The following TTC23 variants were observed in gnomAD, a reference collection of about 807,000 sequenced individuals.
TTC23 encodes tetratricopeptide repeat domain 23.
In TTC23, 58 loss-of-function variants were observed where a neutral mutation model predicts 55.1. The ratio of observed to expected loss-of-function variants is 1.05; its 90% confidence interval spans 0.85 to 1.31. The LOEUF (loss-of-function observed/expected upper bound fraction) is 1.31. Ranked by LOEUF, TTC23 falls within the 50% of genes most tolerant of loss-of-function variation. The probability of loss-of-function intolerance (pLI) is 0.00; values close to 1 mark genes in which losing one functional copy is unlikely to be tolerated. For synonymous variants in TTC23, 203 were observed against 199.9 expected (o/e 1.02, Z -0.13); for missense variants, 516 against 534.4 (o/e 0.97, Z 0.34).
intron 11 of TTC23, chr15:99,160,583 T>C (rs2071223628): frequency 6.6e-6 from 1 of 152,202 alleles, no homozygotes; most frequent in Non-Finnish European, 1.5e-5. Flanking sequence ...TCCTTGGAGT[T>C]TGATATCCTT....
At chr15:99,204,190 G>T (rs72756876) in intron 8 of TTC23, among the ~76,000 whole-genome samples, 14,555 of 152,026 alleles carry the variant, frequency 0.096, 1,075 homozygotes, top group East Asian at 0.32. Flanking sequence ...CATTTTAATC[G>T]GGGTGCGATA....
At chr15:99,195,082 G>A (rs2075586749) in intron 9 of TTC23, among the ~76,000 whole-genome samples, 1 of 151,554 alleles carries the variant, frequency 6.6e-6, no homozygotes, top group Non-Finnish European at 1.5e-5. Flanking sequence ...ATGATAAGCT[G>A]GATTTCATTA....
At chr15:99,193,788 A>G (rs182906687) in intron 9 of TTC23, among the ~76,000 whole-genome samples, 14 of 152,186 alleles carry the variant, frequency 9.2e-5, no homozygotes, top group African/African-American at 3.4e-4. Flanking sequence ...CAGTCATATC[A>G]CTTGAGGTCA....
At chr15:99,163,228 T>C (rs2071621464) in intron 10 of TTC23, among the ~76,000 whole-genome samples, 1 of 152,188 alleles carries the variant, frequency 6.6e-6, no homozygotes, top group Non-Finnish European at 1.5e-5. Flanking sequence ...AAGTCATATT[T>C]ATGGAAAGCA....
chr15:99,235,733 C>G (rs778770042), intron 3 of TTC23, among the ~76,000 whole-genome samples: 5 of 152,142 alleles, frequency 3.3e-5, no homozygotes, highest in Admixed American at 1.3e-4. Context: ...GCTGTACAAC[C>G]ATTACCACTG....
At chr15:99,142,307 A>G (rs2068326113) in intron 12 of TTC23, among the ~76,000 whole-genome samples, 1 of 152,192 alleles carries the variant, frequency 6.6e-6, no homozygotes. Context: ...ACTGCCACCC[A>G]TCAGTGAGAG....
chr15:99,137,633 A>C lies in TTC23; in HGVS notation c.*377T>G, dbSNP rs2067695730. ...AAGGACTTCCTGAAGTTCACTGTCC[A>C]GATCTAACTCCACACCTATGCAAGG... is the stretch of plus-strand genomic sequence containing the variant. On this transcript the variant is annotated 3_prime_UTR_variant, in exon 14 of 14. Transcript: ENST00000394132. 2 of 189,068 alleles carry C rather than the reference A, an allele frequency of 1.1e-5. No homozygotes were observed. Among genetic ancestry groups the C allele is most frequent in the Non-Finnish European group, 1.1e-5 (1 of 90,562 alleles). The allele number at this position is 189,068 out of a possible 1,614,324, so 11.7% of individuals were successfully genotyped here.
chr15:99,202,708 A>G (rs2076296072), intron 8 of TTC23, among the ~76,000 whole-genome samples: 1 of 152,198 alleles, frequency 6.6e-6, no homozygotes, highest in Non-Finnish European at 1.5e-5. Flanking sequence ...CATCCTTCAA[A>G]TAATACCTGA....
chr15:99,155,339 GA>G (rs2070390754), intron 12 of TTC23: 1 of 152,154 alleles, frequency 6.6e-6, no homozygotes, highest in Non-Finnish European at 1.5e-5. Context: ...TTCTTGGATA[GA>G]AAAACTCAAT....
Position 99,181,791 on chromosome 15 carries a change from G to C in TTC23, c.760-6636C>G, listed in dbSNP as rs140825758. On this transcript the variant is annotated intron_variant, in intron 9 of 13. Coordinates refer to ENST00000394132, the MANE Select transcript of TTC23 (RefSeq NM_001288615.3). ...GAAAAAGACGGAGCTGGGAATCCCT[G>C]GGGGATTAGATGAACAGGAAGTCAC... 4.0e-3 allele frequency among the ~76,000 whole-genome samples: 612 copies of C among 152,260 alleles called. 3 individuals are homozygous for C. Among genetic ancestry groups the C allele is most frequent in the African/African-American group, 9.7e-3 (401 of 41,548 alleles).
chr15:99,164,547 A>G (rs1387551503), intron 10 of TTC23, among the ~76,000 whole-genome samples: 1 of 152,168 alleles, frequency 6.6e-6, no homozygotes, highest in Non-Finnish European at 1.5e-5. Context: ...TGACATTTCC[A>G]CTTGGAAATA....
chr15:99,232,422 T>A (rs1190966112), intron 4 of TTC23, among the ~76,000 whole-genome samples: 1 of 148,682 alleles, frequency 6.7e-6, no homozygotes, highest in South Asian at 2.1e-4. Context: ...GAGGTTGCAG[T>A]GAGCCAAGAT....
At chr15:99,235,652 G>A (rs1466764390) in intron 3 of TTC23, among the ~76,000 whole-genome samples, 2 of 152,226 alleles carry the variant, frequency 1.3e-5, no homozygotes, top group South Asian at 2.1e-4. Flanking sequence ...TTACAGGCAT[G>A]AGCCACTGTG....
intron 4 of TTC23, among the ~76,000 whole-genome samples, chr15:99,232,371 C>T (rs113951148): frequency 0.034 from 5,186 of 150,778 alleles, 301 homozygotes; most frequent in African/African-American, 0.12. Context: ...CCCAGCTACT[C>T]GGGAGGCTGA....
At chr15:99,175,920 G>A (rs1362296069) in intron 9 of TTC23, among the ~76,000 whole-genome samples, 1 of 152,182 alleles carries the variant, frequency 6.6e-6, no homozygotes, top group Admixed American at 6.5e-5. Flanking sequence ...GCTTGAACCT[G>A]GGAGGTGGAG....
At chr15:99,140,003 G>A (rs2068044073) in intron 12 of TTC23, 1 of 230,508 alleles carries the variant, frequency 4.3e-6, no homozygotes, top group Admixed American at 4.9e-5. Context: ...TGCCCAAAAT[G>A]GCCAAAATAA....
At chr15:99,235,559 A>T (rs2079254032) in intron 3 of TTC23, among the ~76,000 whole-genome samples, 1 of 152,112 alleles carries the variant, frequency 6.6e-6, no homozygotes, top group South Asian at 2.1e-4. Context: ...TTTAGTAGAG[A>T]TGGGGTTTCA....
chr15:99,228,814 C>T, intron 4 of TTC23, 82 bp from the exon 5 acceptor site: 1 of 1,150,316 alleles, frequency 8.7e-7, no homozygotes, highest in Non-Finnish European at 1.2e-6. Context: ...ACACTATACC[C>T]ATAATTTCTT....
chr15:99,163,601 G>T (rs1277842951), intron 10 of TTC23, among the ~76,000 whole-genome samples: 1 of 152,232 alleles, frequency 6.6e-6, no homozygotes. Context: ...CAGTGCTATA[G>T]TCTGAATATT....
Sources: allele counts gnomAD v4.1 joint callset (sites outside exome capture counted in the v4.1 genomes callset), GRCh38; gene constraint gnomAD v4.1.1; transcripts MANE v1.5; gene names NCBI Gene and HGNC (gene_info 2026-07-23, HGNC 2026-07-21).